The following CNTN3 variants were observed in gnomAD, a reference collection of about 807,000 sequenced individuals.
The protein encoded by CNTN3 is contactin 3, also known as contactin-3.
In CNTN3, 60 loss-of-function variants were observed where a neutral mutation model predicts 119.1. The ratio of observed to expected loss-of-function variants is 0.50; its 90% CI spans 0.41 to 0.62. CNTN3 has a LOEUF of 0.62. CNTN3 is among the 20% of genes least tolerant of loss of function. CNTN3 has a pLI of 0.00. For missense variants in CNTN3, 1,101 were observed against 1,242.4 expected, an observed-to-expected ratio of 0.89 and a Z score of 1.71; for synonymous variants, 450 against 438.7, an observed-to-expected ratio of 1.03 and a Z score of -0.32.
chr3:74,372,004 A>G (rs1704352469), intron 5 of CNTN3, among the ~76,000 whole-genome samples: 1 of 152,150 alleles, frequency 6.6e-6, no homozygotes, highest in South Asian at 2.1e-4. Context: ...AATGGTTTTC[A>G]AAGCTTGGTT....
chr3:74,509,985 C>T (rs1703335900), intron 2 of CNTN3, among the ~76,000 whole-genome samples: 1 of 151,390 alleles, frequency 6.6e-6, no homozygotes, highest in African/African-American at 2.4e-5. Flanking sequence ...TTAACACACA[C>T]TTCTTCTAAC....
At position 74,514,297 on chromosome 3, in the gene CNTN3, T is replaced by G. The variant is rs182007746; in HGVS notation, c.55+6761A>C. ...AAAAGGATGTTGAATAATCTTCATT[T>G]ATGTATTTATCTACTGATAGAGAAA... On this transcript the variant is annotated intron_variant, in intron 2 of 22. Transcript: ENST00000263665. Among the ~76,000 whole-genome samples, 307 of 152,290 alleles carry G rather than the reference T, an allele frequency of 2.0e-3. 3 individuals carry two copies. Among genetic ancestry groups the G allele is most frequent in the African/African-American group, 6.7e-3 (279 of 41,578 alleles).
intron 1 of CNTN3, among the ~76,000 whole-genome samples, chr3:74,579,576 T>A (rs1046356262): frequency 1.3e-5 from 2 of 152,132 alleles, no homozygotes; most frequent in African/African-American, 4.8e-5. Flanking sequence ...TAGTATGTTA[T>A]GTGACAACAA....
chr3:74,409,607 G>C (rs985743886), intron 5 of CNTN3, among the ~76,000 whole-genome samples: 7 of 151,742 alleles, frequency 4.6e-5, no homozygotes, highest in African/African-American at 1.7e-4. Context: ...ATGTGTACAA[G>C]AACTGGAAGT....
At chr3:74,351,769 T>A (rs1183022086) in intron 11 of CNTN3, among the ~76,000 whole-genome samples, 3 of 151,998 alleles carry the variant, frequency 2.0e-5, no homozygotes, top group African/African-American at 7.2e-5. Context: ...AGAGAGGAGG[T>A]GATTATCACA....
intron 19 of CNTN3, among the ~76,000 whole-genome samples, chr3:74,292,923 G>A (rs1702262292): frequency 6.6e-6 from 1 of 152,180 alleles, no homozygotes; most frequent in Non-Finnish European, 1.5e-5. Context: ...CTATTGTCAT[G>A]GAATTAAAGG....
intron 5 of CNTN3, among the ~76,000 whole-genome samples, chr3:74,392,362 T>C (rs1979590): frequency 0.62 from 93,705 of 151,896 alleles, 29,613 homozygotes; most frequent in African/African-American, 0.74. Flanking sequence ...CCATTCTTCT[T>C]TACTTTTGTC....
At chr3:74,509,851 G>A (rs1703332959) in intron 2 of CNTN3, among the ~76,000 whole-genome samples, 1 of 151,806 alleles carries the variant, frequency 6.6e-6, no homozygotes, top group African/African-American at 2.4e-5. Context: ...TGAATTCCTA[G>A]AACAATGTTT....
chr3:74,399,479 T>C (rs949353405), intron 5 of CNTN3, among the ~76,000 whole-genome samples: 1 of 152,198 alleles, frequency 6.6e-6, no homozygotes, highest in African/African-American at 2.4e-5. Flanking sequence ...TGATCTCATG[T>C]TTTTAATGGC....
At chr3:74,515,922 T>C (rs1240717812) in intron 2 of CNTN3, among the ~76,000 whole-genome samples, 1 of 151,914 alleles carries the variant, frequency 6.6e-6, no homozygotes. Flanking sequence ...TCAACTCCTC[T>C]CAGTGCACAC....
chr3:74,343,294 C>T lies in CNTN3; in HGVS notation c.1365-6636G>A, dbSNP rs529154568. ...GCGTGGTAAAGAGAACAGCAAAATA[C>T]GTCCACTCTCTATGTGCAGCAAACA... On this transcript the variant is annotated intron_variant, in intron 11 of 22. Coordinates refer to ENST00000263665, the MANE Select transcript of CNTN3 (RefSeq NM_020872.3). Among the ~76,000 whole-genome samples, 13 of 152,256 alleles carry T rather than the reference C, an allele frequency of 8.5e-5. No individual in the cohort carries two copies. In the East Asian group the frequency reaches 1.2e-3, roughly 14 times the overall value.
At chr3:74,440,490 A>AT (rs1351504856) in intron 4 of CNTN3, among the ~76,000 whole-genome samples, 1 of 151,854 alleles carries the variant, frequency 6.6e-6, no homozygotes, top group Non-Finnish European at 1.5e-5. Context: ...TAGCAAAAAA[A>AT]AAAAAAAGTC....
intron 1 of CNTN3, among the ~76,000 whole-genome samples, chr3:74,580,503 T>C (rs1474584529): frequency 6.6e-6 from 1 of 151,948 alleles, no homozygotes; most frequent in Non-Finnish European, 1.5e-5. Context: ...AATACAAAAT[T>C]CCTTAAAAAT....
intron 6 of CNTN3, 56 bp from the exon 7 acceptor site, chr3:74,370,047 G>A (rs181802099): frequency 2.4e-4 from 234 of 962,766 alleles, no homozygotes; most frequent in Admixed American, 6.8e-4. Context: ...GAATTGCCTC[G>A]TTTTTCTTAA....
intron 1 of CNTN3, among the ~76,000 whole-genome samples, chr3:74,579,747 AT>A (rs897112489): frequency 2.6e-4 from 39 of 152,134 alleles, no homozygotes; most frequent in Admixed American, 3.9e-4. Context: ...TAAAAATTGT[AT>A]TTGCAGTGGA....
At chr3:74,373,075 G>T (rs1266502509) in intron 5 of CNTN3, among the ~76,000 whole-genome samples, 4 of 152,124 alleles carry the variant, frequency 2.6e-5, no homozygotes, top group Non-Finnish European at 4.4e-5. Context: ...TGTCATATTG[G>T]TATAATGTTT....
At chr3:74,311,755 C>T (rs576798344) in intron 13 of CNTN3, among the ~76,000 whole-genome samples, 1 of 152,292 alleles carries the variant, frequency 6.6e-6, no homozygotes, top group East Asian at 1.9e-4. Context: ...TCTCTCCTAA[C>T]AACAAATAAA....
chr3:74,304,902 A>G (rs1212348410), intron 13 of CNTN3, among the ~76,000 whole-genome samples: 1 of 152,180 alleles, frequency 6.6e-6, no homozygotes, highest in African/African-American at 2.4e-5. Context: ...ACAGAGAATA[A>G]GAGAGATCCT....
At chr3:74,560,946 C>T (rs766474851) in intron 1 of CNTN3, among the ~76,000 whole-genome samples, 3 of 145,214 alleles carry the variant, frequency 2.1e-5, no homozygotes, top group Non-Finnish European at 4.5e-5. Context: ...AAACACTGCA[C>T]GTTCTCACTC....
Sources: allele counts gnomAD v4.1 joint callset (sites outside exome capture counted in the v4.1 genomes callset), GRCh38; gene constraint gnomAD v4.1.1; transcripts MANE v1.5; gene names NCBI Gene and HGNC (gene_info 2026-07-23, HGNC 2026-07-21).